Variants in RTL9 observed in about 807,000 individuals in gnomAD.
The protein encoded by RTL9 is retrotransposon Gag like 9.
In RTL9, 19 loss-of-function variants were observed where a neutral mutation model predicts 44.7. The ratio of observed to expected loss-of-function variants is 0.42; its 90% CI spans 0.30 to 0.62. RTL9 has a LOEUF of 0.62. Ranked by LOEUF, RTL9 falls within the 20% of genes least tolerant of loss-of-function variation. The probability of loss-of-function intolerance (pLI) is 0.16; values close to 1 mark genes in which losing one functional copy is unlikely to be tolerated. For synonymous variants in RTL9, 407 were observed against 398.9 expected (o/e 1.02, Z -0.24); for missense variants, 1,105 against 1,080.6 (o/e 1.02, Z -0.32).
upstream of RTL9, among the ~76,000 whole-genome samples, chrX:110,416,020 A>C (rs1001087371): frequency 9.0e-6 from 1 of 110,940 alleles, no homozygotes; most frequent in African/African-American, 3.3e-5. Context: ...AAAAAAAAAA[A>C]AATGGGAAGC....
chrX:110,364,651 T>A (rs2068285235), intron 1 of RTL9, among the ~76,000 whole-genome samples: 1 of 111,519 alleles, frequency 9.0e-6, no homozygotes, highest in Admixed American at 9.5e-5. Context: ...ATGGAAAAAA[T>A]TGAGTTTTGG....
intron 1 of RTL9, among the ~76,000 whole-genome samples, chrX:110,387,030 A>G (rs1416108707): frequency 8.9e-6 from 1 of 112,599 alleles, no homozygotes; most frequent in Non-Finnish European, 1.9e-5. Flanking sequence ...GGAGGGAGAA[A>G]GCACTTGGGG....
chrX:110,391,800 C>T (rs761496985), intron 1 of RTL9, among the ~76,000 whole-genome samples: 1 of 112,428 alleles, frequency 8.9e-6, no homozygotes, highest in East Asian at 2.8e-4. Context: ...TTGGACCGAA[C>T]AGCATAGTCG....
exon 1 of RTL9, chrX:110,452,808 A>T (rs1255840149): frequency 8.3e-7 from 1 of 1,210,143 alleles, no homozygotes; most frequent in Non-Finnish European, 1.1e-6. Context: ...TCCTGGAGGG[A>T]TGTCCATGTC....
chrX:110,417,036 T>TA (rs1242473468), upstream of RTL9, among the ~76,000 whole-genome samples: 1 of 112,595 alleles, frequency 8.9e-6, no homozygotes, highest in Non-Finnish European at 1.9e-5. Context: ...GGACTGTCAC[T>TA]ACTTTTCATT....
At chrX:110,430,681 A>C (rs1210565632) in intron 1 of RTL9, among the ~76,000 whole-genome samples, 1 of 112,542 alleles carries the variant, frequency 8.9e-6, no homozygotes, top group Non-Finnish European at 1.9e-5. Context: ...GTTGTCAGTT[A>C]ACCCTTGTAT....
intron 1 of RTL9, among the ~76,000 whole-genome samples, chrX:110,375,408 C>T (rs928669565): frequency 1.8e-4 from 20 of 111,867 alleles, no homozygotes; most frequent in Non-Finnish European, 3.0e-4. Flanking sequence ...CTAGTTTCCT[C>T]CTCTGCAAAC....
chrX:110,379,062 A>G (rs2068399689), intron 1 of RTL9, among the ~76,000 whole-genome samples: 1 of 111,707 alleles, frequency 9.0e-6, no homozygotes, highest in Admixed American at 9.5e-5. Flanking sequence ...TACTCAAATA[A>G]AGTTTGGAGA....
exon 1 of RTL9, chrX:110,451,360 C>A (rs770052942): frequency 8.3e-7 from 1 of 1,211,917 alleles, no homozygotes; most frequent in Non-Finnish European, 1.1e-6. Context: ...GTGCTAATGA[C>A]TGCTCTAGCC....
At chrX:110,384,997 CCTAAGA>C (rs2068445178) in intron 1 of RTL9, among the ~76,000 whole-genome samples, 1 of 110,637 alleles carries the variant, frequency 9.0e-6, no homozygotes, top group South Asian at 3.9e-4. Context: ...ACTTTGAAAG[CCTAAGA>C]CTATCATAGT....
chrX:110,378,639 T>C (rs918781355), intron 1 of RTL9, among the ~76,000 whole-genome samples: 1 of 112,226 alleles, frequency 8.9e-6, no homozygotes, highest in Non-Finnish European at 1.9e-5. Flanking sequence ...GAGCACACCC[T>C]ATACTTTCCA....
At chrX:110,410,309 A>C (rs1214989926) in intron 1 of RTL9, among the ~76,000 whole-genome samples, 1 of 111,803 alleles carries the variant, frequency 8.9e-6, no homozygotes, top group Non-Finnish European at 1.9e-5. Context: ...TAGAGGACAG[A>C]GGGCATCTTA....
intron 1 of RTL9, among the ~76,000 whole-genome samples, chrX:110,367,444 CCTT>C (rs1399547506): frequency 1.8e-5 from 2 of 111,380 alleles, no homozygotes; most frequent in African/African-American, 6.6e-5. Context: ...TTACTGTTCT[CCTT>C]TTTTTTTCGC....
chrX:110,395,477 C>T (rs1363157485), intron 1 of RTL9, among the ~76,000 whole-genome samples: 1 of 111,835 alleles, frequency 8.9e-6, no homozygotes, highest in African/African-American at 3.3e-5. Context: ...TGGTAATCCT[C>T]ATGTAATCCT....
chrX:110,450,884 A>G, exon 1 of RTL9: 3 of 1,211,438 alleles, frequency 2.5e-6, no homozygotes, highest in Non-Finnish European at 2.2e-6. Context: ...CATTGTCCCC[A>G]CCCCTAATGC....
At chrX:110,369,840 G>T (rs985473893) in intron 1 of RTL9, among the ~76,000 whole-genome samples, 1 of 111,211 alleles carries the variant, frequency 9.0e-6, no homozygotes, top group African/African-American at 3.3e-5. Flanking sequence ...TATCAGTATG[G>T]CTACTGTATT....
chrX:110,428,186 C>T (rs1316623649), intron 1 of RTL9, among the ~76,000 whole-genome samples: 3 of 112,029 alleles, frequency 2.7e-5, no homozygotes, highest in Non-Finnish European at 5.6e-5. Context: ...TTGTCTGTGG[C>T]CTTCAGGATG....
intron 1 of RTL9, among the ~76,000 whole-genome samples, chrX:110,379,738 A>G (rs1316879213): frequency 8.9e-6 from 1 of 111,950 alleles, no homozygotes; most frequent in Admixed American, 9.5e-5. Context: ...ACCATTTTTC[A>G]TTTAGACAGA....
At chrX:110,449,256 G>A (rs977076535), upstream of RTL9, among the ~76,000 whole-genome samples, 1 of 111,957 alleles carries the variant, frequency 8.9e-6, no homozygotes, top group African/African-American at 3.3e-5. Context: ...GAGTACAACC[G>A]AAATCTCTTA....
Sources: gnomAD v4.1 joint callset for allele counts (sites outside exome capture counted in the v4.1 genomes callset) on GRCh38, gnomAD v4.1.1 for gene constraint, MANE v1.5 for transcripts, NCBI Gene and HGNC (gene_info 2026-07-23, HGNC 2026-07-21) for gene names.